TGFBRAP1: variants seen among roughly 807,000 people sequenced by gnomAD.
The protein encoded by TGFBRAP1 is transforming growth factor-beta receptor-associated protein 1.
In TGFBRAP1, 20 loss-of-function variants were observed where a neutral mutation model predicts 83.2. That is an observed-to-expected ratio of 0.24 (90% CI 0.17 to 0.35). The LOEUF (loss-of-function observed/expected upper bound fraction) is 0.35. TGFBRAP1 is among the 10% of genes least tolerant of loss of function. The probability of loss-of-function intolerance (pLI) is 1.00; values close to 1 mark genes in which losing one functional copy is unlikely to be tolerated. For synonymous variants in TGFBRAP1, 415 were observed against 459.8 expected, an observed-to-expected ratio of 0.90 and a Z score of 1.25; for missense variants, 950 against 1,099.4, an observed-to-expected ratio of 0.86 and a Z score of 1.92.
the TGFBRAP1 span, among the ~76,000 whole-genome samples, chr2:105,252,953 A>T: frequency 6.6e-6 from 1 of 151,418 alleles, no homozygotes; most frequent in South Asian, 2.1e-4. Context: ...ACGGGGTTTC[A>T]CCGTGTTAGC....
Position 105,273,700 on chromosome 2 carries a change from G to A in TGFBRAP1, c.1666-10C>T. The A allele has an allele frequency of 3.1e-6, 5 of 1,613,796 alleles. No individual in the cohort carries two copies. Among genetic ancestry groups the A allele is most frequent in the Non-Finnish European group, 4.2e-6 (5 of 1,179,898 alleles). ...AAACCTGAACTCCGACCTGAAAGAG[G>A]AGCGACAATACAGTGACTGTGCTTC... On this transcript the variant is annotated splice_polypyrimidine_tract_variant and intron_variant, in intron 8 of 11. Transcript: ENST00000393359.
At chr2:105,296,610 C>T in intron 3 of TGFBRAP1, 100 bp from the exon 4 acceptor site, 1 of 1,311,660 alleles carries the variant, frequency 7.6e-7, no homozygotes, top group Admixed American at 2.5e-5. Context: ...ATTTGTTCAA[C>T]AACTTCACCA....
At chr2:105,324,607 GT>G (rs1005433324) in intron 1 of TGFBRAP1, among the ~76,000 whole-genome samples, 11 of 151,644 alleles carry the variant, frequency 7.3e-5, no homozygotes, top group Non-Finnish European at 1.3e-4. Flanking sequence ...TAAGTTAAAA[GT>G]TTTTTTTTCC....
At position 105,307,624 on chromosome 2, in the gene TGFBRAP1, G is replaced by A. The variant is rs148001123; in HGVS notation, c.678C>T (p.Pro226=). Reference sequence around the variant, plus strand: ...ATGCATCCTCCTCACCCAGCCCTCCGGGGCCCGCCAGCAGGAACTCCTGTC... The same window carrying A: ...ATGCATCCTCCTCACCCAGCCCTCCAGGGCCCGCCAGCAGGAACTCCTGTC... ...IGRQEFLLAG[P]GGLGMFATVA... Residue 226 remains proline, a synonymous_variant, in exon 2 of 12, where the codon CCC becomes CCT. Transcript: ENST00000393359. 1.9e-5 allele frequency: 31 copies of A among 1,610,082 alleles called. No homozygotes were observed. Among genetic ancestry groups the A allele is most frequent in the South Asian group, 3.3e-5 (3 of 90,710 alleles).
At chr2:105,295,632 G>A (rs1678058652) in intron 4 of TGFBRAP1, among the ~76,000 whole-genome samples, 2 of 151,932 alleles carry the variant, frequency 1.3e-5, no homozygotes, top group African/African-American at 4.8e-5. Context: ...CCAACATGGT[G>A]AAACCCCATC....
chr2:105,278,849 A>C (rs1054234795), intron 6 of TGFBRAP1, among the ~76,000 whole-genome samples: 1 of 152,136 alleles, frequency 6.6e-6, no homozygotes, highest in African/African-American at 2.4e-5. Flanking sequence ...TGTCACTACC[A>C]TAAGGTGGCA....
At chr2:105,255,912 T>C in the TGFBRAP1 span, among the ~76,000 whole-genome samples, 1 of 152,090 alleles carries the variant, frequency 6.6e-6, no homozygotes, top group African/African-American at 2.4e-5. Flanking sequence ...TGCCTCTCCA[T>C]GTGGCCCTGC....
At chr2:105,279,620 A>AGAGGCGGAGCTTGC (rs1553402364) in intron 6 of TGFBRAP1, among the ~76,000 whole-genome samples, 3 of 150,834 alleles carry the variant, frequency 2.0e-5, no homozygotes, top group Non-Finnish European at 3.0e-5. Context: ...CCTCCCTTTG[A>AGAGGCGGAGCTTGC]ATCTGTTTAT....
rs572863728 is a variant in TGFBRAP1, at chr2:105,310,850, T to G, written c.-17-2532A>C. Among the ~76,000 whole-genome samples the G allele has an allele frequency of 7.2e-5, 11 of 152,336 alleles. No individual in the cohort carries two copies. The South Asian group carries it at 2.3e-3, about 32-fold the overall frequency. ...AAATACTTCTTCCTTCATTGATTAA[T>G]CAATCAGGGTTGTCTTTTTTAAATG... On this transcript the variant is annotated intron_variant, in intron 1 of 11. Transcript: ENST00000393359.
chr2:105,316,472 C>A (rs750302613), intron 1 of TGFBRAP1, among the ~76,000 whole-genome samples: 1,521 of 77,716 alleles, frequency 0.02, 12 homozygotes, highest in Middle Eastern at 0.079. Flanking sequence ...TGCGCGCGCG[C>A]GCGCGCGCAC....
the TGFBRAP1 span, among the ~76,000 whole-genome samples, chr2:105,256,624 G>A: frequency 3.3e-5 from 5 of 152,074 alleles, no homozygotes; most frequent in Admixed American, 1.3e-4. Flanking sequence ...AGCCTGCCCC[G>A]CCCAAAAGAC....
chr2:105,273,930 C>T (rs1677246471), intron 8 of TGFBRAP1, among the ~76,000 whole-genome samples: 1 of 152,112 alleles, frequency 6.6e-6, no homozygotes, highest in Admixed American at 6.5e-5. Context: ...GGCAAAAAAT[C>T]AAGATAGAAA....
chr2:105,277,767 C>T, intron 6 of TGFBRAP1, 96 bp from the exon 7 acceptor site: 1 of 1,177,546 alleles, frequency 8.5e-7, no homozygotes, highest in South Asian at 1.2e-5. Flanking sequence ...TCCCCATATT[C>T]TATTCAACTC....
At chr2:105,323,406 T>C (rs1375699468) in intron 1 of TGFBRAP1, among the ~76,000 whole-genome samples, 3 of 152,188 alleles carry the variant, frequency 2.0e-5, no homozygotes, top group Non-Finnish European at 4.4e-5. Flanking sequence ...CAGACCTTCC[T>C]ATCTCCCTTT....
chr2:105,308,521 TACAC>T (rs149766409), intron 1 of TGFBRAP1, among the ~76,000 whole-genome samples: 1 of 151,402 alleles, frequency 6.6e-6, no homozygotes, highest in Non-Finnish European at 1.5e-5. Flanking sequence ...CACAGACACA[TACAC>T]ACACACACAC....
intron 1 of TGFBRAP1, among the ~76,000 whole-genome samples, chr2:105,317,843 A>G (rs1336807729): frequency 1.3e-5 from 2 of 152,228 alleles, no homozygotes; most frequent in African/African-American, 4.8e-5. Context: ...AGACCTTTCA[A>G]TGGAGAGGAA....
At chr2:105,308,436 G>T in intron 1 of TGFBRAP1, 118 bp from the exon 2 acceptor site, 1 of 1,084,240 alleles carries the variant, frequency 9.2e-7, no homozygotes, top group Non-Finnish European at 1.3e-6. Context: ...GTCATTCCAC[G>T]CTATCAAAAA....
chr2:105,274,172 T>C (rs1233818338), intron 8 of TGFBRAP1, among the ~76,000 whole-genome samples: 1 of 152,230 alleles, frequency 6.6e-6, no homozygotes, highest in Non-Finnish European at 1.5e-5. Flanking sequence ...GGGTTATTTA[T>C]GATAGATGGT....
rs760879498 is a variant in TGFBRAP1 at position 105,307,670 on chromosome 2, G to A, written c.632C>T (p.Pro211Leu). 1.5e-5 allele frequency: 25 copies of A among 1,613,948 alleles called. No homozygotes were observed. Among genetic ancestry groups the A allele is most frequent in the Non-Finnish European group, 2.1e-5 (25 of 1,180,030 alleles). Residue 211 changes from proline (P) to leucine (L), a missense_variant, in exon 2 of 12, where the codon CCG becomes CTG. Coordinates refer to ENST00000393359, the MANE Select transcript of TGFBRAP1 (RefSeq NM_004257.6). ...LFPYCSEERP[P>L]IVKRIGRQEF... ...CTGTCTCCCTATCCTCTTGACGATCGGCGGCCTCTCCTCACTGCAGTAGGG... is the reference window on the plus strand; with the variant it reads ...CTGTCTCCCTATCCTCTTGACGATCAGCGGCCTCTCCTCACTGCAGTAGGG...
Sources: allele counts gnomAD v4.1 joint callset (sites outside exome capture counted in the v4.1 genomes callset), GRCh38; gene constraint gnomAD v4.1.1; transcripts MANE v1.5; gene names NCBI Gene and HGNC (gene_info 2026-07-23, HGNC 2026-07-21).